Variants in MEI1 observed in about 807,000 individuals in gnomAD.
The protein encoded by MEI1 is meiosis inhibitor protein 1.
A neutral mutation model predicts 146.2 loss-of-function variants in MEI1; 103 were observed. The ratio of observed to expected loss-of-function variants is 0.70; its 90% CI spans 0.60 to 0.83. The LOEUF (loss-of-function observed/expected upper bound fraction) is 0.83. Among genes scored for constraint, MEI1 ranks in the 40% least tolerant of loss-of-function variants. MEI1 has a pLI of 0.00. For synonymous variants in MEI1, 652 were observed against 628.2 expected (o/e 1.04, Z -0.57); for missense variants, 1,529 against 1,533.0 (o/e 1.00, Z 0.04).
At chr22:41,739,657 A>G (rs2072689372) in intron 11 of MEI1, among the ~76,000 whole-genome samples, 1 of 151,958 alleles carries the variant, frequency 6.6e-6, no homozygotes, top group Non-Finnish European at 1.5e-5. Context: ...CATGAATTCT[A>G]GAGTGGGAGG....
chr22:41,763,775 T>TA (rs201138951), intron 19 of MEI1, among the ~76,000 whole-genome samples: 5 of 150,208 alleles, frequency 3.3e-5, no homozygotes, highest in South Asian at 4.3e-4. Flanking sequence ...TATTAAAAAT[T>TA]AAAAAAAAAC....
At chr22:41,761,253 A>G (rs1206799882) in intron 18 of MEI1, among the ~76,000 whole-genome samples, 2 of 151,560 alleles carry the variant, frequency 1.3e-5, no homozygotes, top group South Asian at 4.2e-4. Context: ...AGAGGTTGCA[A>G]TGAGCTGATA....
In MEI1 at chr22:41,781,690, G is replaced by T. The variant is rs1219599847; in HGVS notation, c.2932G>T (p.Ala978Ser). 2 of 1,613,246 alleles carry T rather than the reference G, an allele frequency of 1.2e-6. No homozygotes were observed. The highest frequency in any genetic ancestry group is 3.3e-5 in the Admixed American group (2 of 60,006). ...GCCTTGCCCACCCCCGACAGCTGCT[G>T]CAGTGCTCCTGAGCAGCACAGGCCT... ...TTPSSQKRAAAVLLSSTGLME... is the reference protein window; with the variant it reads ...TTPSSQKRAASVLLSSTGLME... The change falls in exon 24 of 31, where the codon GCA becomes TCA. Residue 978 changes from alanine (A) to serine (S), a missense_variant. This residue lies in a region of MEI1 where 1,212 missense variants were observed against 1,178.9 expected (regional missense o/e 1.03). Transcript: ENST00000401548.
At chr22:41,761,613 C>A (rs933495896) in intron 18 of MEI1, among the ~76,000 whole-genome samples, 3 of 151,780 alleles carry the variant, frequency 2.0e-5, no homozygotes, top group African/African-American at 7.3e-5. Flanking sequence ...TGCGCCCGGC[C>A]GACTCAGTCT....
At chr22:41,721,014 C>T (rs1458525675) in intron 6 of MEI1, among the ~76,000 whole-genome samples, 10 of 151,568 alleles carry the variant, frequency 6.6e-5, no homozygotes, top group African/African-American at 2.2e-4. Context: ...CTCCTGACCT[C>T]GTGATCCACC....
At chr22:41,767,646 T>C (rs2074943003) in intron 19 of MEI1, 1 of 453,394 alleles carries the variant, frequency 2.2e-6, no homozygotes, top group African/African-American at 2.0e-5. Flanking sequence ...ATTTTTTATT[T>C]GCTTCTCAAC....
intron 11 of MEI1, among the ~76,000 whole-genome samples, chr22:41,733,637 A>G (rs534970082): frequency 6.7e-6 from 1 of 149,968 alleles, no homozygotes; most frequent in Non-Finnish European, 1.5e-5. Flanking sequence ...AGTCCCAGCT[A>G]CTCAGGAGGC....
chr22:41,747,919 A>G (rs968776186), intron 14 of MEI1, among the ~76,000 whole-genome samples, 188 bp from the exon 15 acceptor site: 2 of 152,148 alleles, frequency 1.3e-5, no homozygotes, highest in Admixed American at 6.6e-5. Context: ...GCCCAAAGAG[A>G]TAAAGTATCT....
rs1456107626 is a variant in MEI1 at position 41,743,078 on chromosome 22, A to C, written c.1332-2A>C. 2 of 1,607,036 alleles carry C rather than the reference A, an allele frequency of 1.2e-6. No individual in the cohort carries two copies. Among genetic ancestry groups the C allele is most frequent in the Non-Finnish European group, 1.7e-6 (2 of 1,174,798 alleles). On this transcript the variant is annotated splice_acceptor_variant, in intron 11 of 30. Transcript: ENST00000401548. LOFTEE classifies it high-confidence loss of function. ...AACCTGCTTTTGTCTCTCTGGATGCAGGAAGGACCATCAGAGCACTCCACC... is the reference window on the plus strand; with the variant it reads ...AACCTGCTTTTGTCTCTCTGGATGCCGGAAGGACCATCAGAGCACTCCACC...
intron 24 of MEI1, 37 bp from the exon 25 acceptor site, chr22:41,784,302 A>C (rs748501866): frequency 6.3e-7 from 1 of 1,590,214 alleles, no homozygotes; most frequent in South Asian, 1.1e-5. Context: ...AGGCTTCCAG[A>C]ACATGGGGGT....
At chr22:41,715,459 A>G (rs1216052131) in intron 4 of MEI1, among the ~76,000 whole-genome samples, 1 of 150,362 alleles carries the variant, frequency 6.7e-6, no homozygotes, top group East Asian at 1.9e-4. Flanking sequence ...GCAGTGGCGC[A>G]ATCTTGGCTC....
At chr22:41,774,141 C>T (rs2148076984) in intron 20 of MEI1, 1 of 152,230 alleles carries the variant, frequency 6.6e-6, no homozygotes, top group African/African-American at 2.4e-5. Flanking sequence ...CTGTTTGTTT[C>T]CTCTTTGGCC....
intron 20 of MEI1, among the ~76,000 whole-genome samples, chr22:41,773,090 A>T (rs970238152): frequency 6.6e-6 from 1 of 152,250 alleles, no homozygotes; most frequent in African/African-American, 2.4e-5. Context: ...TAGAGTCTAC[A>T]TCCCAGGGAA....
At chr22:41,796,962 T>A (rs1033859581) in intron 30 of MEI1, among the ~76,000 whole-genome samples, 2 of 151,978 alleles carry the variant, frequency 1.3e-5, no homozygotes, top group African/African-American at 2.4e-5. Context: ...AAACAAAAAA[T>A]TTTGTTTCAT....
chr22:41,784,275 C>A (rs922203731), intron 24 of MEI1, 64 bp from the exon 25 acceptor site: 2 of 1,430,986 alleles, frequency 1.4e-6, no homozygotes, highest in Non-Finnish European at 2.0e-6. Context: ...GATTTTCAGG[C>A]AGGTTATTTT....
intron 4 of MEI1, 89 bp from the exon 5 acceptor site, chr22:41,715,952 G>A (rs1601695447): frequency 6.6e-6 from 6 of 902,446 alleles, no homozygotes; most frequent in Non-Finnish European, 1.0e-5. Flanking sequence ...ATGCAATACA[G>A]GCATTGGTGT....
At position 41,795,574 on chromosome 22, in the gene MEI1, G is replaced by A. The variant is rs1413977279; in HGVS notation, c.3666+32G>A. 2.5e-6 allele frequency: 4 copies of A among 1,613,326 alleles called. No individual in the cohort carries two copies. The highest frequency in any genetic ancestry group is 3.3e-5 in the Admixed American group (2 of 59,962). On this transcript the variant is annotated intron_variant, in intron 29 of 30. Transcript: ENST00000401548. This position sits in a 1 kb window ranked among gnomAD's most constrained non-coding sequence, Gnocchi z 4.2. Reference sequence around the variant, plus strand: ...GGGAAGGGGAGGCCATGCAGCCACTGTAAAGCTAGACCCTCAACACCATCT... The same window carrying A: ...GGGAAGGGGAGGCCATGCAGCCACTATAAAGCTAGACCCTCAACACCATCT...
chr22:41,797,973 G>C (rs916642863), intron 30 of MEI1, among the ~76,000 whole-genome samples: 1 of 152,086 alleles, frequency 6.6e-6, no homozygotes, highest in Admixed American at 6.6e-5. Context: ...CAGAATCACA[G>C]AGCTAGTGAT....
intron 3 of MEI1, among the ~76,000 whole-genome samples, chr22:41,710,205 G>A (rs7289156): frequency 0.016 from 2,472 of 152,122 alleles, 49 homozygotes; most frequent in Admixed American, 0.059. Context: ...CAAGTGAGAA[G>A]GTAGCCGTCT....
Sources: allele counts gnomAD v4.1 joint callset (sites outside exome capture counted in the v4.1 genomes callset), GRCh38; gene constraint gnomAD v4.1.1; regional missense constraint gnomAD v4.1.1; non-coding constraint Gnocchi (gnomAD v3.1); transcripts MANE v1.5; gene names NCBI Gene and HGNC (gene_info 2026-07-23, HGNC 2026-07-21).